LRMDA: variants seen among roughly 807,000 people sequenced by gnomAD.
LRMDA encodes leucine rich melanocyte differentiation associated.
Under a neutral mutation model 29.8 loss-of-function variants are expected in LRMDA, and 18 were observed. The ratio of observed to expected loss-of-function variants is 0.60; its 90% CI spans 0.42 to 0.90. The LOEUF is 0.90. LRMDA is among the 40% of genes least tolerant of loss of function. The pLI, the probability that LRMDA is intolerant of heterozygous loss-of-function variation, is 0.00. For missense variants in LRMDA, 273 were observed against 273.9 expected, an observed-to-expected ratio of 1.00 and a Z score of 0.02; for synonymous variants, 125 against 109.4, an observed-to-expected ratio of 1.14 and a Z score of -0.89.
chr10:76,147,111 C>G (rs554107836), intron 5 of LRMDA, among the ~76,000 whole-genome samples: 4 of 152,286 alleles, frequency 2.6e-5, no homozygotes, highest in African/African-American at 9.6e-5. Context: ...TCTGGCTGCC[C>G]TTAACGTTTT....
At chr10:76,016,064 C>T (rs1365715140) in intron 2 of LRMDA, among the ~76,000 whole-genome samples, 1 of 152,164 alleles carries the variant, frequency 6.6e-6, no homozygotes, top group African/African-American at 2.4e-5. Context: ...TTGAGTTACT[C>T]CTTGAATCTT....
chr10:76,008,808 A>T (rs1847721461), intron 2 of LRMDA, among the ~76,000 whole-genome samples: 1 of 152,276 alleles, frequency 6.6e-6, no homozygotes, highest in Non-Finnish European at 1.5e-5. Flanking sequence ...TTCCTTAAAC[A>T]TAGTCATGGG....
chr10:76,055,099 A>C (rs866889319), intron 4 of LRMDA, among the ~76,000 whole-genome samples: 1 of 149,958 alleles, frequency 6.7e-6, no homozygotes, highest in Non-Finnish European at 1.5e-5. Flanking sequence ...AAAAAAGAAA[A>C]AGAAAAGAAA....
chr10:75,482,483 T>C (rs962283735), intron 2 of LRMDA, among the ~76,000 whole-genome samples: 1 of 152,232 alleles, frequency 6.6e-6, no homozygotes, highest in African/African-American at 2.4e-5. Context: ...GCCACTATAG[T>C]TGCAGTTTTA....
At chr10:76,325,764 G>A (rs1367234112) in intron 6 of LRMDA, among the ~76,000 whole-genome samples, 2 of 152,100 alleles carry the variant, frequency 1.3e-5, no homozygotes, top group East Asian at 1.9e-4. Context: ...AGTTTATCTG[G>A]CCCTGAAATT....
At chr10:76,130,431 C>T (rs1849966420) in intron 5 of LRMDA, among the ~76,000 whole-genome samples, 1 of 152,102 alleles carries the variant, frequency 6.6e-6, no homozygotes, top group Non-Finnish European at 1.5e-5. Flanking sequence ...ATAACAGGTT[C>T]TGATAACTTG....
intron 6 of LRMDA, among the ~76,000 whole-genome samples, chr10:76,329,257 A>G (rs903240612): frequency 7.9e-5 from 12 of 152,230 alleles, no homozygotes; most frequent in Non-Finnish European, 1.2e-4. Context: ...AAGAAAGCAG[A>G]TGGTGGTAAT....
At chr10:75,489,338 G>C (rs1844955313) in intron 2 of LRMDA, among the ~76,000 whole-genome samples, 1 of 151,960 alleles carries the variant, frequency 6.6e-6, no homozygotes, top group South Asian at 2.1e-4. Flanking sequence ...TCTTGGACTG[G>C]TCTCTGTGAC....
At chr10:75,616,282 C>T (rs778168399) in intron 2 of LRMDA, among the ~76,000 whole-genome samples, 1 of 150,960 alleles carries the variant, frequency 6.6e-6, no homozygotes, top group East Asian at 1.9e-4. Flanking sequence ...GCAGCAGCAG[C>T]AGTAGTAGTA....
chr10:76,049,435 C>T (rs970289891), intron 4 of LRMDA, among the ~76,000 whole-genome samples: 3 of 152,136 alleles, frequency 2.0e-5, no homozygotes, highest in Non-Finnish European at 1.5e-5. Context: ...AAATATGTTC[C>T]CATGTAGTTA....
chr10:76,533,091 T>C (rs1843252186), intron 6 of LRMDA, among the ~76,000 whole-genome samples: 1 of 152,222 alleles, frequency 6.6e-6, no homozygotes, highest in African/African-American at 2.4e-5. Context: ...TTAATTTGAA[T>C]GTTGACATTC....
chr10:76,144,791 C>T (rs1353648960), intron 5 of LRMDA, among the ~76,000 whole-genome samples: 2 of 152,068 alleles, frequency 1.3e-5, no homozygotes, highest in African/African-American at 4.8e-5. Context: ...GGGAATGCTT[C>T]CAGTTTTTGC....
At chr10:75,878,364 G>C (rs560864804) in intron 2 of LRMDA, among the ~76,000 whole-genome samples, 20 of 152,002 alleles carry the variant, frequency 1.3e-4, no homozygotes, top group South Asian at 6.3e-4. Flanking sequence ...GAGGTGGATG[G>C]GGAGCCAGAA....
intron 5 of LRMDA, among the ~76,000 whole-genome samples, chr10:76,216,143 C>T (rs935362623): frequency 2.0e-5 from 3 of 152,076 alleles, no homozygotes; most frequent in African/African-American, 7.2e-5. Context: ...TGCTTAAGGC[C>T]AGGAGTTAGA....
intron 5 of LRMDA, among the ~76,000 whole-genome samples, chr10:76,250,705 A>G (rs1444064646): frequency 6.6e-6 from 1 of 152,180 alleles, no homozygotes; most frequent in Admixed American, 6.5e-5. Context: ...TATTTTTTCC[A>G]TACAGTCTTT....
chr10:76,237,505 A>G (rs1344797003), intron 5 of LRMDA, among the ~76,000 whole-genome samples: 1 of 152,218 alleles, frequency 6.6e-6, no homozygotes, highest in East Asian at 1.9e-4. Flanking sequence ...AGGAAAACTT[A>G]AAATACTGTA....
intron 5 of LRMDA, among the ~76,000 whole-genome samples, chr10:76,167,529 G>C (rs1233394404): frequency 6.6e-6 from 1 of 152,140 alleles, no homozygotes; most frequent in Non-Finnish European, 1.5e-5. Context: ...CCCATTGCTT[G>C]TTTTGTCCAA....
chr10:76,074,888 A>G (rs1445465656), intron 5 of LRMDA, among the ~76,000 whole-genome samples: 1 of 152,198 alleles, frequency 6.6e-6, no homozygotes, highest in Non-Finnish European at 1.5e-5. Flanking sequence ...CCATTCACTG[A>G]TAACTCCTTG....
chr10:76,390,088 C>T (rs954820600), intron 6 of LRMDA, among the ~76,000 whole-genome samples: 3 of 152,108 alleles, frequency 2.0e-5, no homozygotes, highest in Admixed American at 6.5e-5. Flanking sequence ...AGCAGCTGTA[C>T]CATTTTACAA....
Sources: allele counts gnomAD v4.1 joint callset (sites outside exome capture counted in the v4.1 genomes callset), GRCh38; gene constraint gnomAD v4.1.1; transcripts MANE v1.5; gene names NCBI Gene and HGNC (gene_info 2026-07-23, HGNC 2026-07-21).